GPALPP1: variants seen among roughly 807,000 people sequenced by gnomAD.
GPALPP1 encodes the protein GPALPP motifs containing 1.
In GPALPP1, 30 loss-of-function variants were observed where a neutral mutation model predicts 38.9. The observed-to-expected ratio is 0.77, with a 90% CI of 0.58 to 1.05. The LOEUF is 1.05. Among genes scored for constraint, GPALPP1 ranks in the 50% least tolerant of loss-of-function variants. GPALPP1 has a pLI of 0.00. For missense variants in GPALPP1, 384 were observed against 408.8 expected (o/e 0.94, Z 0.52); for synonymous variants, 120 against 139.2 (o/e 0.86, Z 0.97).
Position 45,008,793 on chromosome 13 carries a change from A to T in GPALPP1, c.324-2A>T. On this transcript the variant is annotated splice_acceptor_variant, in intron 3 of 7. Coordinates refer to ENST00000379151, the MANE Select transcript of GPALPP1 (RefSeq NM_018559.5). LOFTEE classifies it high-confidence loss of function. The stretch of plus-strand genomic sequence containing the variant: ...ATGATAAAAGTACATTTTATTTTTC[A>T]GGCCCATAATAGGTCCTGCATTGCC... 6.7e-7 allele frequency: 1 copy of T among 1,491,330 alleles called. No individual in the cohort carries two copies. Among genetic ancestry groups the T allele is most frequent in the Non-Finnish European group, 9.3e-7 (1 of 1,071,440 alleles). The allele number at this position is 1,491,330 out of a possible 1,614,324, so 92.4% of individuals were successfully genotyped here. A position where few individuals can be genotyped will look rare whatever the true frequency, so the allele number is the denominator to read the frequency against.
At chr13:45,003,314 A>T (rs1873824696) in intron 1 of GPALPP1, among the ~76,000 whole-genome samples, 1 of 152,236 alleles carries the variant, frequency 6.6e-6, no homozygotes, top group South Asian at 2.1e-4. Context: ...CTAAGAACTC[A>T]AACCATGTTA....
Position 45,004,390 on chromosome 13 carries a change from A to G in GPALPP1, c.174A>G (p.Glu58=), listed in dbSNP as rs141423053. 3 of 1,609,090 alleles carry G rather than the reference A, an allele frequency of 1.9e-6. No homozygotes were observed. The African/African-American group carries it at 4.0e-5, about 22-fold the overall frequency. ...DSDEDSSSLY[E]EGNQESEEDD... ...ATGAAGACAGTAGTTCTTTGTACGAAGAAGGAAATCAAGAATCTGAAGAAG... is the reference window on the plus strand; with the variant it reads ...ATGAAGACAGTAGTTCTTTGTACGAGGAAGGAAATCAAGAATCTGAAGAAG... Residue 58 remains glutamate, a synonymous_variant, in exon 2 of 8, where the codon GAA becomes GAG. Coordinates refer to ENST00000379151, the MANE Select transcript of GPALPP1 (RefSeq NM_018559.5).
intron 6 of GPALPP1, among the ~76,000 whole-genome samples, chr13:45,019,086 T>TAC (rs1875176746): frequency 7.3e-6 from 1 of 137,546 alleles, no homozygotes; most frequent in South Asian, 2.2e-4. Flanking sequence ...CATATAAATA[T>TAC]ATGTATATAT....
downstream of GPALPP1, chr13:45,031,582 G>A (rs921203359): frequency 2.8e-4 from 42 of 152,014 alleles, no homozygotes; most frequent in African/African-American, 8.7e-4. Flanking sequence ...TCTGCTTTCC[G>A]CCTATTGCTT....
intron 1 of GPALPP1, among the ~76,000 whole-genome samples, chr13:44,991,026 G>A (rs1271284610): frequency 6.6e-6 from 1 of 152,094 alleles, no homozygotes; most frequent in African/African-American, 2.4e-5. Flanking sequence ...GGAGGCGGAG[G>A]TTGCAGTGAG....
Position 45,015,617 on chromosome 13 carries a change from G to T in GPALPP1, c.705+21G>T, listed in dbSNP as rs868770061. On this transcript the variant is annotated intron_variant, in intron 6 of 7. Coordinates refer to ENST00000379151, the MANE Select transcript of GPALPP1 (RefSeq NM_018559.5). ...CTAAGGTGAGAGGTTTTGTTTGTTTGTTCATGTATTTCTGTTCATGTTGGC... is the reference window on the plus strand; with the variant it reads ...CTAAGGTGAGAGGTTTTGTTTGTTTTTTCATGTATTTCTGTTCATGTTGGC... 26 of 1,422,852 alleles carry T rather than the reference G, an allele frequency of 1.8e-5. 1 individual carries two copies. In the Middle Eastern group the frequency reaches 2.6e-3, roughly 142 times the overall value. 88.1% of individuals were successfully genotyped at this position (1,422,852 alleles called of 1,614,324 possible).
chr13:45,001,084 T>A (rs966719963), intron 1 of GPALPP1, among the ~76,000 whole-genome samples: 1 of 152,178 alleles, frequency 6.6e-6, no homozygotes, highest in Non-Finnish European at 1.5e-5. Context: ...AATCCCTACA[T>A]GTTGTGGGAG....
chr13:45,006,097 GTGT>G (rs1442904458), intron 2 of GPALPP1, 102 bp from the exon 3 acceptor site: 5 of 624,368 alleles, frequency 8.0e-6, no homozygotes, highest in Admixed American at 5.4e-5. Context: ...TATTGTTGCA[GTGT>G]TTATACAACT....
At chr13:45,024,407 C>T (rs897137556) in intron 7 of GPALPP1, among the ~76,000 whole-genome samples, 1 of 151,738 alleles carries the variant, frequency 6.6e-6, no homozygotes, top group Admixed American at 6.6e-5. Flanking sequence ...TTAAGTGATT[C>T]TCCTACCTCA....
At position 45,008,925 on chromosome 13, in the gene GPALPP1, G is replaced by A. The variant is rs1440864189; in HGVS notation, c.408+46G>A. ...CTCTAAGGTTTGGAAAGTTTTCATTGAAAGAATAAGATGTATTGTAACAAA... is the reference window on the plus strand; with the variant it reads ...CTCTAAGGTTTGGAAAGTTTTCATTAAAAGAATAAGATGTATTGTAACAAA... On this transcript the variant is annotated intron_variant, in intron 4 of 7. Coordinates refer to ENST00000379151, the MANE Select transcript of GPALPP1 (RefSeq NM_018559.5). The A allele has an allele frequency of 2.8e-6, 3 of 1,084,516 alleles. No homozygotes were observed. In the East Asian group the frequency reaches 7.1e-5, roughly 26 times the overall value. 67.2% of individuals were successfully genotyped at this position (1,084,516 alleles called of 1,614,324 possible).
chr13:45,020,712 A>AT (rs979833451), intron 7 of GPALPP1, among the ~76,000 whole-genome samples: 1 of 147,330 alleles, frequency 6.8e-6, no homozygotes, highest in Non-Finnish European at 1.5e-5. Context: ...TTATCTGTTT[A>AT]TTTTTTTCTC....
intron 7 of GPALPP1, among the ~76,000 whole-genome samples, chr13:45,025,905 G>A (rs1465404239): frequency 6.6e-6 from 1 of 152,072 alleles, no homozygotes; most frequent in Non-Finnish European, 1.5e-5. Context: ...CAAGTAGCTA[G>A]GTTTACAGGC....
intron 1 of GPALPP1, among the ~76,000 whole-genome samples, chr13:44,994,782 A>T (rs147554216): frequency 6.6e-6 from 1 of 152,306 alleles, no homozygotes; most frequent in Non-Finnish European, 1.5e-5. Flanking sequence ...TTGTTGATTT[A>T]GGGTCATTGT....
chr13:45,006,145 GC>G, intron 2 of GPALPP1, 56 bp from the exon 3 acceptor site: 1 of 888,392 alleles, frequency 1.1e-6, no homozygotes, highest in Non-Finnish European at 1.8e-6. Flanking sequence ...ATTAAAATGT[GC>G]TTTTGTGAAA....
intron 1 of GPALPP1, among the ~76,000 whole-genome samples, chr13:44,991,954 C>T (rs1360853384): frequency 6.6e-6 from 1 of 152,202 alleles, no homozygotes; most frequent in East Asian, 1.9e-4. Context: ...TGTTTCTTTA[C>T]ATTGCTATAT....
intron 4 of GPALPP1, among the ~76,000 whole-genome samples, chr13:45,011,745 C>G (rs1410706248): frequency 1.3e-5 from 2 of 152,192 alleles, no homozygotes; most frequent in Admixed American, 6.5e-5. Context: ...CTTCAAATAG[C>G]TCTCATTATT....
chr13:44,991,202 G>A (rs750360466), intron 1 of GPALPP1, among the ~76,000 whole-genome samples: 3 of 151,986 alleles, frequency 2.0e-5, no homozygotes, highest in Non-Finnish European at 4.4e-5. Context: ...TGAACCCAGC[G>A]CTTTGGGAGG....
chr13:44,999,469 T>G (rs1467141818), intron 1 of GPALPP1, among the ~76,000 whole-genome samples: 2 of 152,210 alleles, frequency 1.3e-5, no homozygotes, highest in African/African-American at 4.8e-5. Context: ...CAAAATAATT[T>G]TTTGAGATTA....
chr13:45,007,849 C>A (rs1390926314), intron 3 of GPALPP1, among the ~76,000 whole-genome samples: 2 of 152,172 alleles, frequency 1.3e-5, no homozygotes, highest in African/African-American at 4.8e-5. Context: ...GATGAAGAAT[C>A]TTAAAAGTGT....
Sources: allele counts gnomAD v4.1 joint callset (sites outside exome capture counted in the v4.1 genomes callset), GRCh38; gene constraint gnomAD v4.1.1; transcripts MANE v1.5; gene names NCBI Gene and HGNC (gene_info 2026-07-23, HGNC 2026-07-21).